The following ABR variants were observed in gnomAD, a reference collection of about 807,000 sequenced individuals.
ABR encodes the protein ABR activator of RhoGEF and GTPase.
A neutral mutation model predicts 107.2 loss-of-function variants in ABR; 35 were observed. That is an observed-to-expected ratio of 0.33 (90% CI 0.25 to 0.43). ABR has a LOEUF of 0.43. ABR is among the 20% of genes least tolerant of loss of function. ABR has a pLI of 1.00. For synonymous variants in ABR, 498 were observed against 462.0 expected (o/e 1.08, Z -1.00); for missense variants, 815 against 1,115.2 (o/e 0.73, Z 3.83).
intron 1 of ABR, among the ~76,000 whole-genome samples, chr17:1,127,529 A>G (rs2039651729): frequency 6.6e-6 from 1 of 151,776 alleles, no homozygotes; most frequent in Non-Finnish European, 1.5e-5. Flanking sequence ...GTTTGGTGAC[A>G]CCCCCTCACT....
chr17:1,194,064 C>T (rs1051468556), intron 1 of ABR, among the ~76,000 whole-genome samples: 1 of 152,148 alleles, frequency 6.6e-6, no homozygotes, highest in Non-Finnish European at 1.5e-5. Flanking sequence ...AATTTCCATC[C>T]TCTTTCTCCT....
intron 3 of ABR, among the ~76,000 whole-genome samples, chr17:1,094,164 G>C (rs2037236684): frequency 6.6e-6 from 1 of 152,116 alleles, no homozygotes; most frequent in African/African-American, 2.4e-5. Flanking sequence ...CTCGGTGTCT[G>C]GTCCTTGCTA....
chr17:1,023,927 A>G (rs1007208286), intron 16 of ABR, among the ~76,000 whole-genome samples: 2 of 146,670 alleles, frequency 1.4e-5, no homozygotes, highest in African/African-American at 5.0e-5. Flanking sequence ...CAGGGGGCTG[A>G]GGCAGGAGAA....
intron 1 of ABR, among the ~76,000 whole-genome samples, chr17:1,163,391 G>C (rs1162615939): frequency 1.3e-5 from 2 of 152,210 alleles, no homozygotes; most frequent in African/African-American, 2.4e-5. Context: ...GGAGCCAGGG[G>C]GTGGCACAAA....
chr17:1,176,700 G>A (rs62070491), intron 1 of ABR, among the ~76,000 whole-genome samples: 9,132 of 152,014 alleles, frequency 0.06, 409 homozygotes, highest in East Asian at 0.25. Context: ...ACAAAACTTA[G>A]CTGGGTTGTG....
chr17:1,032,972 G>C (rs578075081), intron 16 of ABR, among the ~76,000 whole-genome samples: 6 of 152,192 alleles, frequency 3.9e-5, no homozygotes, highest in African/African-American at 7.2e-5. Context: ...TGGTGTTACT[G>C]CCCTGTTCTA....
upstream of ABR, among the ~76,000 whole-genome samples, chr17:1,189,998 G>A (rs12949506): frequency 0.61 from 93,072 of 152,130 alleles, 29,623 homozygotes; most frequent in Middle Eastern, 0.74. Context: ...TCCACCAGCT[G>A]GAAAAGAACT....
chr17:1,025,422 C>G (rs912415122), intron 16 of ABR, among the ~76,000 whole-genome samples: 1 of 152,232 alleles, frequency 6.6e-6, no homozygotes, highest in African/African-American at 2.4e-5. Flanking sequence ...TCGTACAGTA[C>G]GTGTTCAAAA....
chr17:1,028,237 C>A (rs571304330), intron 16 of ABR, among the ~76,000 whole-genome samples: 2 of 151,638 alleles, frequency 1.3e-5, no homozygotes, highest in Admixed American at 6.6e-5. Flanking sequence ...ATTACAGGTG[C>A]CCGCCACCAT....
At chr17:1,161,179 T>A (rs2041277778) in intron 1 of ABR, among the ~76,000 whole-genome samples, 1 of 145,564 alleles carries the variant, frequency 6.9e-6, no homozygotes, top group African/African-American at 2.6e-5. Flanking sequence ...TTTTTCTGAG[T>A]CTCATCTCCT....
intron 2 of ABR, among the ~76,000 whole-genome samples, chr17:1,112,287 G>A (rs1362243940): frequency 6.6e-6 from 1 of 152,228 alleles, no homozygotes; most frequent in Non-Finnish European, 1.5e-5. Context: ...ACGAGGCAGT[G>A]TTCTCGTTTA....
At chr17:1,053,699 G>T (rs1004888495) in intron 14 of ABR, among the ~76,000 whole-genome samples, 10 of 152,182 alleles carry the variant, frequency 6.6e-5, no homozygotes, top group Non-Finnish European at 1.3e-4. Context: ...GATAATCTGG[G>T]GGTAAAGAGA....
chr17:1,105,638 C>T (rs1419403411), intron 2 of ABR, among the ~76,000 whole-genome samples: 1 of 152,210 alleles, frequency 6.6e-6, no homozygotes, highest in East Asian at 1.9e-4. Context: ...CTTTGGGAGG[C>T]CAAGAGGGGC....
At position 1,139,697 on chromosome 17, in the gene ABR, G is replaced by T. The variant is rs933695126; in HGVS notation, c.62-14330C>A. Among the ~76,000 whole-genome samples, 16 of 152,084 alleles carry T rather than the reference G, an allele frequency of 1.1e-4. 1 individual carries two copies. The highest frequency in any genetic ancestry group is 3.9e-4 in the Admixed American group (6 of 15,268). Reference sequence around the variant, plus strand: ...GAAAGCGCAGGGAGTTAAGTTACTCGCCCAAGATTTCACGGCAGTCAGGTG... The same window carrying T: ...GAAAGCGCAGGGAGTTAAGTTACTCTCCCAAGATTTCACGGCAGTCAGGTG... On this transcript the variant is annotated intron_variant, in intron 1 of 22. Transcript: ENST00000302538.
At chr17:1,124,948 G>A (rs747499919) in intron 2 of ABR, among the ~76,000 whole-genome samples, 41 of 152,234 alleles carry the variant, frequency 2.7e-4, no homozygotes, top group African/African-American at 7.0e-4. Flanking sequence ...GGGAGCAGAC[G>A]GCTAGTAGAC....
upstream of ABR, among the ~76,000 whole-genome samples, chr17:1,191,787 C>T (rs1430222542): frequency 2.0e-5 from 3 of 152,190 alleles, no homozygotes; most frequent in East Asian, 3.8e-4. Context: ...GCTACCTGCG[C>T]CCAGGCTGCC....
chr17:1,144,113 C>T (rs144117842), intron 1 of ABR, among the ~76,000 whole-genome samples: 402 of 152,126 alleles, frequency 2.6e-3, no homozygotes, highest in African/African-American at 8.8e-3. Context: ...TTGTTTCCTG[C>T]GATTTGACAA....
rs949578726 is a variant in ABR at position 1,070,406 on chromosome 17, A to G, written c.895-316T>C. ...CGAGATGGTGCATGTGAAACAGCAC[A>G]GTGCCTGGCACATTAAGTGTGTGCA... On this transcript the variant is annotated intron_variant, in intron 8 of 22. Coordinates refer to ENST00000302538, the MANE Select transcript of ABR (RefSeq NM_021962.5). This position sits in a 1 kb window ranked among gnomAD's most constrained non-coding sequence, Gnocchi z 4.2. Among the ~76,000 whole-genome samples the G allele has an allele frequency of 3.3e-5, 5 of 152,196 alleles. No homozygotes were observed. Among genetic ancestry groups the G allele is most frequent in the African/African-American group, 1.2e-4 (5 of 41,444 alleles).
In ABR at chr17:1,090,297, C is replaced by G. The variant is rs117556548; in HGVS notation, c.531+1368G>C. 9.2e-5 allele frequency among the ~76,000 whole-genome samples: 14 copies of G among 152,184 alleles called. 2 individuals are homozygous for G. In the South Asian group the frequency reaches 2.7e-3, roughly 29 times the overall value. On this transcript the variant is annotated intron_variant, in intron 4 of 22. Transcript: ENST00000302538. ...ACGGGTCAGTGTGCAAAGGGTCTCT[C>G]GAGCCATTCCTCGGAGCCTGACCTT...
Sources: gnomAD v4.1 joint callset for allele counts (sites outside exome capture counted in the v4.1 genomes callset) on GRCh38, gnomAD v4.1.1 for gene constraint, Gnocchi (gnomAD v3.1) non-coding constraint, MANE v1.5 for transcripts, NCBI Gene and HGNC (gene_info 2026-07-23, HGNC 2026-07-21) for gene names.